RAB38: variants seen among roughly 807,000 people sequenced by gnomAD.
RAB38 encodes the protein RAB38, member RAS oncogene family.
RAB38 carries 15 observed loss-of-function variants against 18.4 expected under a neutral mutation model. That is an observed-to-expected ratio of 0.82 (90% CI 0.55 to 1.26). The LOEUF (loss-of-function observed/expected upper bound fraction) is 1.26. Among genes scored for constraint, RAB38 ranks in the 50% most tolerant of loss-of-function variants. The pLI, the probability that RAB38 is intolerant of heterozygous loss-of-function variation, is 0.00. For synonymous variants in RAB38, 101 were observed against 104.4 expected (o/e 0.97, Z 0.20); for missense variants, 294 against 267.4 (o/e 1.10, Z -0.69).
the RAB38 span, among the ~76,000 whole-genome samples, chr11:87,928,102 A>AAAAG: frequency 1.3e-5 from 2 of 151,880 alleles, no homozygotes; most frequent in Non-Finnish European, 2.9e-5. Flanking sequence ...AAAAGACAAG[A>AAAAG]AAAGAAAGAA....
chr11:88,032,441 G>A, the RAB38 span, among the ~76,000 whole-genome samples: 2 of 152,242 alleles, frequency 1.3e-5, no homozygotes, highest in African/African-American at 2.4e-5. Context: ...GAGTGAACAG[G>A]CAACCTACAA....
the RAB38 span, among the ~76,000 whole-genome samples, chr11:88,056,761 A>G: frequency 9.2e-5 from 14 of 152,072 alleles, no homozygotes; most frequent in Admixed American, 5.2e-4. Context: ...CCAAGATCGC[A>G]CCACTGCACT....
At chr11:88,022,036 G>C in the RAB38 span, among the ~76,000 whole-genome samples, 2 of 151,622 alleles carry the variant, frequency 1.3e-5, no homozygotes, top group African/African-American at 2.4e-5. Context: ...ACCAGATAAA[G>C]ACACATCAAA....
chr11:88,169,046 A>C (rs1591180440), intron 1 of RAB38, among the ~76,000 whole-genome samples: 1 of 152,228 alleles, frequency 6.6e-6, no homozygotes, highest in South Asian at 2.1e-4. Flanking sequence ...CAGAGATTAG[A>C]GCTAGCTAAG....
the RAB38 span, among the ~76,000 whole-genome samples, chr11:88,016,966 A>T: frequency 6.6e-6 from 1 of 152,158 alleles, no homozygotes; most frequent in Non-Finnish European, 1.5e-5. Flanking sequence ...ACCAACAGTT[A>T]CAAAGCAAAA....
At chr11:88,174,620 C>CAAAAAAAAAAAAAAAAAAAAA (rs60026669) in intron 1 of RAB38, among the ~76,000 whole-genome samples, 11 of 101,124 alleles carry the variant, frequency 1.1e-4, no homozygotes, top group African/African-American at 3.5e-4. Context: ...AAGCAAAAAG[C>CAAAAAAAAAAAAAAAAAAAAA]AAAAAAAAAA....
At chr11:88,072,514 T>A in the RAB38 span, among the ~76,000 whole-genome samples, 297 of 152,026 alleles carry the variant, frequency 2.0e-3, 1 homozygote, top group Non-Finnish European at 2.7e-3. Flanking sequence ...ACAGAAAAAA[T>A]AAATATTTAA....
chr11:87,883,586 G>C, the RAB38 span, among the ~76,000 whole-genome samples: 1 of 151,926 alleles, frequency 6.6e-6, no homozygotes, highest in Non-Finnish European at 1.5e-5. Context: ...ACATGGCAAA[G>C]GGAACTTTGC....
the RAB38 span, among the ~76,000 whole-genome samples, chr11:87,911,301 C>T: frequency 6.6e-6 from 1 of 151,986 alleles, no homozygotes; most frequent in Non-Finnish European, 1.5e-5. Flanking sequence ...TTCAACTTGT[C>T]AAGCTCTATA....
At chr11:87,815,242 A>G in the RAB38 span, 1 of 152,212 alleles carries the variant, frequency 6.6e-6, no homozygotes, top group Non-Finnish European at 1.5e-5. Flanking sequence ...TGAGACATGT[A>G]GAGTACAGAG....
the RAB38 span, among the ~76,000 whole-genome samples, chr11:88,040,278 G>A: frequency 6.6e-6 from 1 of 152,196 alleles, no homozygotes. Flanking sequence ...TCCTTCACTT[G>A]TAGATGGCCG....
At chr11:87,928,559 G>A in the RAB38 span, among the ~76,000 whole-genome samples, 1 of 151,510 alleles carries the variant, frequency 6.6e-6, no homozygotes, top group Non-Finnish European at 1.5e-5. Flanking sequence ...TTTTTTAAGT[G>A]AACAAAAGTA....
chr11:87,808,236 A>G, the RAB38 span, among the ~76,000 whole-genome samples: 1 of 152,224 alleles, frequency 6.6e-6, no homozygotes, highest in Non-Finnish European at 1.5e-5. Context: ...AAGCTAGAAT[A>G]TTGAAGAGAT....
At chr11:87,828,438 A>G in the RAB38 span, among the ~76,000 whole-genome samples, 1 of 152,192 alleles carries the variant, frequency 6.6e-6, no homozygotes, top group Non-Finnish European at 1.5e-5. Flanking sequence ...GAATGTTTAA[A>G]AGGTATGAGT....
intron 2 of RAB38, among the ~76,000 whole-genome samples, chr11:88,131,953 C>T (rs1246874784): frequency 6.6e-6 from 1 of 151,262 alleles, no homozygotes; most frequent in Admixed American, 6.6e-5. Flanking sequence ...CTGACAGCAA[C>T]CCCCAGGCAA....
At chr11:88,128,871 C>T (rs1377805537) in intron 2 of RAB38, among the ~76,000 whole-genome samples, 1 of 152,150 alleles carries the variant, frequency 6.6e-6, no homozygotes. Flanking sequence ...ACTTGAGAGA[C>T]ACAGTATGTA....
At chr11:87,842,675 G>A in the RAB38 span, among the ~76,000 whole-genome samples, 55 of 151,988 alleles carry the variant, frequency 3.6e-4, no homozygotes, top group African/African-American at 1.1e-3. Flanking sequence ...TGATGTTTGC[G>A]TATTATCTCT....
At chr11:87,841,194 G>C in the RAB38 span, among the ~76,000 whole-genome samples, 2 of 152,112 alleles carry the variant, frequency 1.3e-5, no homozygotes, top group African/African-American at 2.4e-5. Context: ...ATCTCACCTT[G>C]AATTGTAGTT....
At chr11:87,893,951 A>G in the RAB38 span, among the ~76,000 whole-genome samples, 1 of 151,686 alleles carries the variant, frequency 6.6e-6, no homozygotes, top group Non-Finnish European at 1.5e-5. Context: ...TGTGAAAATA[A>G]AATGCCATTG....
Sources: allele counts gnomAD v4.1 joint callset (sites outside exome capture counted in the v4.1 genomes callset), GRCh38; gene constraint gnomAD v4.1.1; transcripts MANE v1.5; gene names NCBI Gene and HGNC (gene_info 2026-07-23, HGNC 2026-07-21).